Variants in HELZ observed in about 807,000 individuals in gnomAD.
The protein encoded by HELZ is helicase with zinc finger, also known as ATP-dependent RNA helicase with zinc finger domain.
Under a neutral mutation model 218.2 loss-of-function variants are expected in HELZ, and 23 were observed. The observed-to-expected ratio is 0.11, with a 90% CI of 0.08 to 0.15. HELZ has a LOEUF of 0.15. Among genes scored for constraint, HELZ ranks in the 10% least tolerant of loss-of-function variants. The pLI, the probability that HELZ is intolerant of heterozygous loss-of-function variation, is 1.00. For synonymous variants in HELZ, 814 were observed against 829.4 expected (o/e 0.98, Z 0.32); for missense variants, 1,813 against 2,353.7 (o/e 0.77, Z 4.75).
chr17:67,147,327 C>T (rs569598850), intron 20 of HELZ, among the ~76,000 whole-genome samples: 48 of 152,240 alleles, frequency 3.2e-4, no homozygotes, highest in African/African-American at 1.1e-3. Flanking sequence ...TATTCATCCA[C>T]AGTTCCTGGC....
At chr17:67,114,066 T>C (rs1034492145) in intron 28 of HELZ, among the ~76,000 whole-genome samples, 2 of 152,226 alleles carry the variant, frequency 1.3e-5, no homozygotes, top group African/African-American at 4.8e-5. Flanking sequence ...CTTCATTTAC[T>C]ACCTTATCAT....
intron 18 of HELZ, among the ~76,000 whole-genome samples, chr17:67,150,492 T>C (rs2038650379): frequency 6.6e-6 from 1 of 152,196 alleles, no homozygotes; most frequent in Admixed American, 6.5e-5. Context: ...CTTCTTGACA[T>C]CTTACATCTG....
intron 31 of HELZ, among the ~76,000 whole-genome samples, chr17:67,106,882 C>G (rs1352159751): frequency 1.3e-5 from 2 of 152,066 alleles, no homozygotes; most frequent in Non-Finnish European, 2.9e-5. Flanking sequence ...GCCATTTCCT[C>G]AGATTAAAAA....
rs774407874 is a variant in HELZ, at chr17:67,218,675, A to G, written c.130T>C (p.Phe44Leu). The G allele has an allele frequency of 1.2e-6, 2 of 1,614,164 alleles. No homozygotes were observed. The highest frequency in any genetic ancestry group is 2.2e-5 in the South Asian group (2 of 91,082). ...ATTTCCAATGGACAAGGCCCTGTGA[A>G]GTCTGCCATGGAGTACTGGCCAAGA... ...LSLGQYSMAD[F>L]TGPCPLEIER... The change falls in exon 4 of 33, where the codon TTC becomes CTC. Residue 44 changes from phenylalanine (F) to leucine (L), a missense_variant. By Grantham distance (22) the Phe-to-Leu change is conservative. Coordinates refer to ENST00000358691, the MANE Select transcript of HELZ (RefSeq NM_014877.4).
intron 20 of HELZ, among the ~76,000 whole-genome samples, chr17:67,146,242 A>G (rs148128251): frequency 1.7e-4 from 26 of 152,334 alleles, no homozygotes; most frequent in African/African-American, 5.3e-4. Context: ...TGTACCACAT[A>G]ATGATGATTT....
At chr17:67,211,734 G>A (rs1411598157) in intron 5 of HELZ, among the ~76,000 whole-genome samples, 1 of 151,964 alleles carries the variant, frequency 6.6e-6, no homozygotes, top group Non-Finnish European at 1.5e-5. Context: ...GGTAGCAGGC[G>A]CCTGTAATCC....
At chr17:67,143,338 C>G (rs936901659) in intron 21 of HELZ, among the ~76,000 whole-genome samples, 2 of 152,086 alleles carry the variant, frequency 1.3e-5, no homozygotes, top group African/African-American at 4.8e-5. Context: ...CCCGGTGTGG[C>G]TGCTCACACC....
intron 18 of HELZ, among the ~76,000 whole-genome samples, chr17:67,150,639 C>G (rs892758581): frequency 2.0e-5 from 3 of 152,028 alleles, no homozygotes; most frequent in Non-Finnish European, 2.9e-5. Flanking sequence ...TAACAAAAAT[C>G]TGAGAAAAGT....
chr17:67,178,530 A>G, intron 13 of HELZ, 129 bp downstream of exon 13: 1 of 736,644 alleles, frequency 1.4e-6, no homozygotes, highest in Non-Finnish European at 2.2e-6. Flanking sequence ...TCCTTTAAAG[A>G]TAGAATACAG....
chr17:67,245,602 G>C, upstream of HELZ: 1 of 874,106 alleles, frequency 1.1e-6, no homozygotes. Context: ...CTGCTCCTGC[G>C]GCCGCGCTTC....
Position 67,078,170 on chromosome 17 carries a change from C to T in HELZ, c.*82G>A. 2 of 913,784 alleles carry T rather than the reference C, an allele frequency of 2.2e-6. No individual in the cohort carries two copies. Among genetic ancestry groups the T allele is most frequent in the South Asian group, 3.0e-5 (2 of 66,984 alleles). The allele number at this position is 913,784 out of a possible 1,614,324, so 56.6% of individuals were successfully genotyped here. On this transcript the variant is annotated 3_prime_UTR_variant, in exon 33 of 33. Coordinates refer to ENST00000358691, the MANE Select transcript of HELZ (RefSeq NM_014877.4). The stretch of plus-strand genomic sequence containing the variant: ...TATTAAAACAAAGGGAACTGTGCAT[C>T]TATAGATGAAGTCCAACTACCTTAA...
chr17:67,093,500 C>A (rs1267052545), intron 31 of HELZ, among the ~76,000 whole-genome samples: 1 of 152,150 alleles, frequency 6.6e-6, no homozygotes, highest in Non-Finnish European at 1.5e-5. Flanking sequence ...TTCTCTAAAG[C>A]AATGCTGTCC....
chr17:67,108,659 G>C lies in HELZ; in HGVS notation c.4557C>G (p.Ser1519Arg), dbSNP rs532455407. The stretch of plus-strand genomic sequence containing the variant: ...CCTGACTGAGAAAGGCATGATGCTC[G>C]CTCCACTGCTGGAACCGTGCCTGCT... ...RQQQARFQQW[S>R]EHHAFLSQGS... is the part of the protein sequence containing the mutation. Residue 1519 changes from serine to arginine, a missense_variant, in exon 30 of 33, where the codon AGC becomes AGG. By Grantham distance (110) the Ser-to-Arg change is moderately radical. Around this residue, in one of 4 missense-constraint regions of HELZ, gnomAD observed 938 missense variants for 1,027.5 expected, o/e 0.91. Transcript: ENST00000358691. The surrounding 1 kb of genome is among the most constrained non-coding windows in gnomAD (Gnocchi z 4.1). The C allele has an allele frequency of 6.2e-7, 1 of 1,614,066 alleles. No individual in the cohort carries two copies. The highest frequency in any genetic ancestry group is 2.2e-5 in the East Asian group (1 of 44,880).
At chr17:67,181,167 T>G (rs1186203930) in intron 12 of HELZ, among the ~76,000 whole-genome samples, 1 of 152,220 alleles carries the variant, frequency 6.6e-6, no homozygotes, top group African/African-American at 2.4e-5. Flanking sequence ...TTATATTTCA[T>G]AATTTTATTT....
At chr17:67,221,421 T>C (rs1291255286) in intron 3 of HELZ, among the ~76,000 whole-genome samples, 3 of 152,162 alleles carry the variant, frequency 2.0e-5, no homozygotes, top group African/African-American at 4.8e-5. Flanking sequence ...GCCCTAGAAT[T>C]AGCAAATCTT....
At chr17:67,110,880 A>G (rs996214715) in intron 28 of HELZ, among the ~76,000 whole-genome samples, 7 of 152,224 alleles carry the variant, frequency 4.6e-5, no homozygotes, top group African/African-American at 1.2e-4. Flanking sequence ...GAAGATAACA[A>G]TATGTAAACA....
At chr17:67,238,949 T>C (rs1298366054) in intron 3 of HELZ, among the ~76,000 whole-genome samples, 1 of 152,232 alleles carries the variant, frequency 6.6e-6, no homozygotes, top group Admixed American at 6.5e-5. Context: ...GAAAAAAAGT[T>C]CAACCTTTTG....
intron 3 of HELZ, 117 bp downstream of exon 3, chr17:67,239,316 G>A (rs2041263906): frequency 6.6e-6 from 1 of 152,200 alleles, no homozygotes; most frequent in Non-Finnish European, 1.5e-5. Flanking sequence ...TAGGATCTGT[G>A]CCTTCAGGTT....
intron 28 of HELZ, among the ~76,000 whole-genome samples, chr17:67,112,610 T>C (rs1366545278): frequency 6.6e-6 from 1 of 152,234 alleles, no homozygotes; most frequent in Non-Finnish European, 1.5e-5. Flanking sequence ...GAGATGCTTA[T>C]GTGATATAAG....
Sources: allele counts gnomAD v4.1 joint callset (sites outside exome capture counted in the v4.1 genomes callset), GRCh38; gene constraint gnomAD v4.1.1; regional missense constraint gnomAD v4.1.1; non-coding constraint Gnocchi (gnomAD v3.1); transcripts MANE v1.5; gene names NCBI Gene and HGNC (gene_info 2026-07-23, HGNC 2026-07-21).